MARF1: variants seen among roughly 807,000 people sequenced by gnomAD.
MARF1 encodes meiosis regulator and mRNA stability factor 1.
In MARF1, 24 loss-of-function variants were observed where a neutral mutation model predicts 168.2. That is an observed-to-expected ratio of 0.14 (90% confidence interval 0.10 to 0.20). MARF1 has a LOEUF of 0.20. Among genes scored for constraint, MARF1 ranks in the 10% least tolerant of loss-of-function variants. MARF1 has a pLI of 1.00. For synonymous variants in MARF1, 868 were observed against 822.4 expected (o/e 1.06, Z -0.95); for missense variants, 1,744 against 2,143.6 (o/e 0.81, Z 3.68).
chr16:15,617,763 G>A (rs1263184879), intron 13 of MARF1, among the ~76,000 whole-genome samples: 1 of 152,082 alleles, frequency 6.6e-6, no homozygotes, highest in African/African-American at 2.4e-5. Context: ...TCATTTGAAA[G>A]CCACCCCCAG....
At chr16:15,600,226 G>C (rs1567526261) in intron 25 of MARF1, among the ~76,000 whole-genome samples, 1 of 152,164 alleles carries the variant, frequency 6.6e-6, no homozygotes, top group African/African-American at 2.4e-5. Context: ...ACTTTAACCA[G>C]TCAACCATGC....
chr16:15,637,933 G>C (rs1342523592), intron 2 of MARF1, among the ~76,000 whole-genome samples: 3 of 152,098 alleles, frequency 2.0e-5, no homozygotes, highest in African/African-American at 7.2e-5. Flanking sequence ...TTGGGAGGCC[G>C]AGGCGGGTGG....
chr16:15,643,095 A>C lies in MARF1; in HGVS notation c.-136T>G. On this transcript the variant is annotated 5_prime_UTR_variant, in exon 1 of 27. Coordinates refer to ENST00000396368, the MANE Select transcript of MARF1 (RefSeq NM_014647.4). ...CGCCCCCCCCAGGCCCTTTGTTTTG[A>C]TTCCCGACTCCGCAGCTCCCGCCGC... The C allele has an allele frequency of 5.0e-6, 1 of 200,820 alleles. No homozygotes were observed. The highest frequency in any genetic ancestry group is 3.9e-5 in the South Asian group (1 of 25,906). 12.4% of individuals were successfully genotyped at this position (200,820 alleles called of 1,614,324 possible).
intron 10 of MARF1, 151 bp from the exon 11 acceptor site, chr16:15,623,274 C>T (rs377500115): frequency 4.4e-3 from 524 of 118,980 alleles, no homozygotes; most frequent in Middle Eastern, 0.016. Context: ...TGTTTTTAAT[C>T]TTTTTTTTTT....
At chr16:15,626,611 T>C (rs1009760927) in intron 7 of MARF1, among the ~76,000 whole-genome samples, 11 of 152,194 alleles carry the variant, frequency 7.2e-5, no homozygotes, top group African/African-American at 2.7e-4. Context: ...CTGGAAGTTT[T>C]ATTTGGCAGT....
intron 17 of MARF1, 34 bp from the exon 18 acceptor site, chr16:15,611,768 A>G: frequency 6.3e-7 from 1 of 1,589,228 alleles, no homozygotes; most frequent in Non-Finnish European, 8.6e-7. Flanking sequence ...TACACATAAG[A>G]CCTCAGCAGA....
intron 6 of MARF1, among the ~76,000 whole-genome samples, 190 bp from the exon 7 acceptor site, chr16:15,630,694 C>A (rs557402228): frequency 1.3e-5 from 2 of 151,702 alleles, no homozygotes; most frequent in South Asian, 2.1e-4. Context: ...CAAAAGAATT[C>A]CAAGACACAT....
At position 15,609,523 on chromosome 16, in the gene MARF1, T is replaced by C. The variant is rs192701366; in HGVS notation, c.3954A>G (p.Gln1318=). The change falls in exon 20 of 27, where the codon CAA becomes CAG. Residue 1318 remains glutamine (Q), a splice_region_variant and synonymous_variant. Transcript: ENST00000396368. The stretch of plus-strand genomic sequence containing the variant: ...ATAAAATTAGAATTTCTTCACTCAC[T>C]TGTAAAGTATCAGGTATGGCTTCAA... ...ELFEAIPDTL[Q]VLECGEEKIL... is the part of the protein sequence containing the mutation. The C allele has an allele frequency of 9.7e-4, 1,562 of 1,610,402 alleles. 16 individuals carry two copies. The highest frequency in any genetic ancestry group is 4.2e-4 in the East Asian group (19 of 44,856).
intron 7 of MARF1, among the ~76,000 whole-genome samples, chr16:15,629,597 G>T (rs1378537902): frequency 2.9e-4 from 44 of 152,176 alleles, no homozygotes. Flanking sequence ...TTAACGTATG[G>T]GATTGCCCAC....
At position 15,624,850 on chromosome 16, in the gene MARF1, A is replaced by G; in HGVS notation, c.2189T>C (p.Val730Ala). 1 of 1,614,208 alleles carries G rather than the reference A, an allele frequency of 6.2e-7. No homozygotes were observed. The highest frequency in any genetic ancestry group is 2.2e-5 in the East Asian group (1 of 44,888). The change falls in exon 10 of 27, where the codon GTG becomes GCG. Residue 730 changes from valine (V) to alanine (A), a missense_variant. By Grantham distance (64) the Val-to-Ala change is moderately conservative. Around this residue, in one of 7 missense-constraint regions of MARF1, gnomAD observed 270 missense variants for 260.6 expected, o/e 1.04. Coordinates refer to ENST00000396368, the MANE Select transcript of MARF1 (RefSeq NM_014647.4). The part of the protein sequence containing the change: ...KKDKEETVFQ[V>A]SYPSAFSKLV... ...CTTGCTAAAAGCAGACGGGTAACTC[A>G]CTTGGAATACAGTCTCCTCTTTATC...
Position 15,621,856 on chromosome 16 carries a change from T to C in MARF1, c.2516A>G (p.Gln839Arg), listed in dbSNP as rs2034484376. ...HTDYQLKAVV[Q>R]MENLQDAIGA... ...GATCGCATCTTGTAAGTTTTCCATTTGCACAACAGCCTTGAGTTGATAATC... is the reference window on the plus strand; with the variant it reads ...GATCGCATCTTGTAAGTTTTCCATTCGCACAACAGCCTTGAGTTGATAATC... The change falls in exon 12 of 27, where the codon CAA becomes CGA. Residue 839 changes from glutamine to arginine, a missense_variant. This residue lies in a region of MARF1 where 543 missense variants were observed against 742.1 expected (regional missense o/e 0.73). Transcript: ENST00000396368. The C allele has an allele frequency of 6.2e-7, 1 of 1,614,104 alleles. No individual in the cohort carries two copies. Among genetic ancestry groups the C allele is most frequent in the Non-Finnish European group, 8.5e-7 (1 of 1,180,038 alleles).
chr16:15,609,705 C>G lies in MARF1; in HGVS notation c.3772G>C (p.Glu1258Gln). Reference protein sequence around the residue: ...PKRERTQDEIERTKQFSKDVV... With the variant: ...PKRERTQDEIQRTKQFSKDVV... ...TCCTTGGAGAACTGTTTTGTCCTTT[C>G]TATTTCATCCTGAGTGCGTTCTTTT... Residue 1258 changes from glutamate (E) to glutamine (Q), a missense_variant, in exon 20 of 27, where the codon GAA (glutamate) becomes CAA (glutamine). Transcript: ENST00000396368. The G allele has an allele frequency of 1.2e-6, 2 of 1,614,064 alleles. No homozygotes were observed. Among genetic ancestry groups the G allele is most frequent in the Non-Finnish European group, 1.7e-6 (2 of 1,179,964 alleles).
intron 24 of MARF1, 41 bp downstream of exon 24, chr16:15,600,600 C>T: frequency 2.5e-6 from 4 of 1,614,128 alleles, no homozygotes; most frequent in Non-Finnish European, 3.4e-6. Flanking sequence ...AGTGAGAGAA[C>T]CGTGATTTTT....
chr16:15,634,788 C>T lies in MARF1; in HGVS notation c.975G>A (p.Ala325=), dbSNP rs1481717493. The T allele has an allele frequency of 3.7e-6, 6 of 1,613,506 alleles. No individual in the cohort carries two copies. The highest frequency in any genetic ancestry group is 1.7e-4 in the Middle Eastern group (1 of 6,058). The change falls in exon 4 of 27, where the codon GCG becomes GCA. Residue 325 remains alanine (A), a synonymous_variant. Coordinates refer to ENST00000396368, the MANE Select transcript of MARF1 (RefSeq NM_014647.4). ...GTGKETTLLL[A]TSLGKAASKF... Reference sequence around the variant, plus strand: ...TTGAAGCAGCTTTGCCTAGACTGGTCGCCAATAACAACGTGGTCTCCTTCC... The same window carrying T: ...TTGAAGCAGCTTTGCCTAGACTGGTTGCCAATAACAACGTGGTCTCCTTCC...
intron 21 of MARF1, 28 bp downstream of exon 21, chr16:15,608,260 GAAA>G (rs748965777): frequency 0.011 from 9,082 of 810,200 alleles, no homozygotes; most frequent in East Asian, 0.013. Context: ...TCCCATGAGG[GAAA>G]AAAAAAAAAA....
intron 23 of MARF1, 132 bp from the exon 24 acceptor site, chr16:15,600,833 T>A: frequency 1.1e-6 from 1 of 890,030 alleles, no homozygotes; most frequent in African/African-American, 1.7e-5. Context: ...CCAAGAAGCA[T>A]GTTTCTCTAC....
chr16:15,608,423 T>C lies in MARF1; in HGVS notation c.4050A>G (p.Gln1350=), dbSNP rs759736646. 1 of 1,614,196 alleles carries C rather than the reference T, an allele frequency of 6.2e-7. No homozygotes were observed. Among genetic ancestry groups the C allele is most frequent in the Non-Finnish European group, 8.5e-7 (1 of 1,180,010 alleles). ...AAQFVKLLRS[Q]KDNCLMMTDL... ...CTGTCATCATAAGGCAGTTATCTTT[T>C]TGGGACCGAAGGAGTTTAACAAACT... The change falls in exon 21 of 27, where the codon CAA becomes CAG. Residue 1350 remains glutamine, a synonymous_variant. Transcript: ENST00000396368.
intron 26 of MARF1, among the ~76,000 whole-genome samples, chr16:15,598,188 T>C (rs918607934): frequency 7.2e-5 from 11 of 152,310 alleles, no homozygotes; most frequent in Middle Eastern, 6.8e-3. Context: ...CTGCCCTTGC[T>C]AGCCCAGCAG....
intron 5 of MARF1, among the ~76,000 whole-genome samples, chr16:15,633,137 A>G (rs573014847): frequency 9.3e-5 from 14 of 151,078 alleles, no homozygotes; most frequent in Non-Finnish European, 2.1e-4. Context: ...ATATCATTAA[A>G]CAAATTTTCA....
Sources: allele counts gnomAD v4.1 joint callset (sites outside exome capture counted in the v4.1 genomes callset), GRCh38; gene constraint gnomAD v4.1.1; regional missense constraint gnomAD v4.1.1; transcripts MANE v1.5; gene names NCBI Gene and HGNC (gene_info 2026-07-23, HGNC 2026-07-21).